CTNNA2: variants seen among roughly 807,000 people sequenced by gnomAD.
CTNNA2 encodes catenin alpha 2.
Under a neutral mutation model 101.0 loss-of-function variants are expected in CTNNA2, and 42 were observed. That is an observed-to-expected ratio of 0.42 (90% CI 0.32 to 0.54). The LOEUF (loss-of-function observed/expected upper bound fraction) is 0.54. Ranked by LOEUF, CTNNA2 falls within the 20% of genes least tolerant of loss-of-function variation. CTNNA2 has a pLI of 0.14. For synonymous variants in CTNNA2, 450 were observed against 456.4 expected, an observed-to-expected ratio of 0.99 and a Z score of 0.18; for missense variants, 871 against 1,223.1, an observed-to-expected ratio of 0.71 and a Z score of 4.29.
chr2:80,162,517 G>T, intron 7 of CTNNA2: 3 of 1,602,754 alleles, frequency 1.9e-6, no homozygotes, highest in Non-Finnish European at 2.6e-6. Context: ...CATGGCTCCA[G>T]CCATCATGAT....
chr2:79,643,226 T>C (rs1288569044), intron 1 of CTNNA2, among the ~76,000 whole-genome samples: 2 of 152,010 alleles, frequency 1.3e-5, no homozygotes, highest in African/African-American at 4.8e-5. Flanking sequence ...ACCACTATCA[T>C]AGTTCAGATA....
intron 3 of CTNNA2, among the ~76,000 whole-genome samples, chr2:79,836,668 T>C (rs889390516): frequency 6.6e-6 from 1 of 152,224 alleles, no homozygotes; most frequent in African/African-American, 2.4e-5. Context: ...TTGCTGTTCA[T>C]CTTTGGTGTG....
At chr2:80,410,490 G>A (rs1679470787) in intron 8 of CTNNA2, among the ~76,000 whole-genome samples, 1 of 152,116 alleles carries the variant, frequency 6.6e-6, no homozygotes, top group Admixed American at 6.5e-5. Flanking sequence ...TTAAACCATT[G>A]GAAAAACGTC....
intron 2 of CTNNA2, among the ~76,000 whole-genome samples, chr2:79,213,786 T>C (rs980641289): frequency 2.0e-5 from 3 of 152,048 alleles, no homozygotes; most frequent in Non-Finnish European, 4.4e-5. Context: ...TGAGTATAGC[T>C]GAAGGAGCCA....
At chr2:79,418,399 T>C (rs1330681305) in intron 4 of CTNNA2, among the ~76,000 whole-genome samples, 1 of 152,140 alleles carries the variant, frequency 6.6e-6, no homozygotes, top group African/African-American at 2.4e-5. Context: ...GTAAACTAAA[T>C]GTCTCCCAAA....
upstream of CTNNA2, chr2:79,512,957 C>T (rs1392097541): frequency 6.6e-6 from 1 of 151,792 alleles, no homozygotes. Context: ...GGGCCGCTGC[C>T]GCTCGCGCTT....
chr2:79,524,333 G>A (rs1476610497), intron 1 of CTNNA2, among the ~76,000 whole-genome samples: 2 of 151,768 alleles, frequency 1.3e-5, no homozygotes, highest in Non-Finnish European at 2.9e-5. Flanking sequence ...TTACCGTTGG[G>A]AAAGGGATTT....
intron 7 of CTNNA2, among the ~76,000 whole-genome samples, chr2:80,276,149 T>G (rs993394010): frequency 1.4e-4 from 22 of 152,204 alleles, no homozygotes; most frequent in African/African-American, 4.3e-4. Context: ...AGTGATTGAT[T>G]ATTTGGTTTT....
At chr2:79,680,290 A>C (rs2104635562) in intron 2 of CTNNA2, among the ~76,000 whole-genome samples, 1 of 152,176 alleles carries the variant, frequency 6.6e-6, no homozygotes, top group East Asian at 1.9e-4. Context: ...CAAACTGAAA[A>C]GGTAGGTTAC....
At chr2:80,165,478 C>A (rs905514780) in intron 7 of CTNNA2, among the ~76,000 whole-genome samples, 1 of 151,960 alleles carries the variant, frequency 6.6e-6, no homozygotes, top group Non-Finnish European at 1.5e-5. Context: ...TTTGATAAGG[C>A]CTTCTATTTA....
At chr2:79,978,943 G>A (rs796334798) in intron 7 of CTNNA2, among the ~76,000 whole-genome samples, 9 of 152,256 alleles carry the variant, frequency 5.9e-5, no homozygotes, top group African/African-American at 2.2e-4. Flanking sequence ...TCTCAAAGAG[G>A]TTAAGTCATT....
chr2:80,046,220 A>G (rs1264040275), intron 7 of CTNNA2, among the ~76,000 whole-genome samples: 2 of 152,186 alleles, frequency 1.3e-5, no homozygotes, highest in Non-Finnish European at 2.9e-5. Flanking sequence ...GAAGTGTGCC[A>G]TGCCTCTCCT....
chr2:79,779,583 A>G (rs1031643239), intron 3 of CTNNA2, among the ~76,000 whole-genome samples: 10 of 152,262 alleles, frequency 6.6e-5, no homozygotes, highest in African/African-American at 2.4e-4. Flanking sequence ...AGATTTTGTG[A>G]AACATGGTCT....
Position 79,288,719 on chromosome 2 carries a change from C to G in CTNNA2, c.-405-23990C>G, listed in dbSNP as rs150775453. Among the ~76,000 whole-genome samples the G allele has an allele frequency of 2.0e-3, 305 of 152,258 alleles. 2 individuals carry two copies. The highest frequency in any genetic ancestry group is 6.7e-3 in the African/African-American group (278 of 41,532). On this transcript the variant is annotated intron_variant, in intron 2 of 21. Transcript: ENST00000466387. ...GGGAGAGAAATTAGAGGTTGCCAGT[C>G]TCTTACACCTGGGCCCAGAAGTTGG...
intron 1 of CTNNA2, among the ~76,000 whole-genome samples, chr2:79,646,479 A>G (rs1017780718): frequency 1.4e-5 from 2 of 144,432 alleles, no homozygotes; most frequent in Non-Finnish European, 3.0e-5. Context: ...GGTGGGCTGT[A>G]TTATTACCTT....
At chr2:79,962,867 C>G (rs932080603) in intron 7 of CTNNA2, among the ~76,000 whole-genome samples, 1 of 151,954 alleles carries the variant, frequency 6.6e-6, no homozygotes, top group Non-Finnish European at 1.5e-5. Flanking sequence ...GTCAGGAGAT[C>G]GAGACCATCC....
intron 4 of CTNNA2, among the ~76,000 whole-genome samples, chr2:79,463,566 G>A (rs1047213438): frequency 6.6e-6 from 1 of 152,034 alleles, no homozygotes; most frequent in African/African-American, 2.4e-5. Flanking sequence ...TTCTTTCTTT[G>A]GATATAATCT....
intron 3 of CTNNA2, among the ~76,000 whole-genome samples, chr2:79,822,665 G>A (rs1678101716): frequency 6.6e-6 from 1 of 151,948 alleles, no homozygotes; most frequent in African/African-American, 2.4e-5. Context: ...TTGCTCTCTT[G>A]ACCATTACAG....
intron 1 of CTNNA2, among the ~76,000 whole-genome samples, chr2:79,193,342 T>G (rs1020819266): frequency 2.0e-5 from 3 of 152,144 alleles, no homozygotes; most frequent in African/African-American, 4.8e-5. Context: ...AATACTGTAT[T>G]TTTACTGTAC....
Sources: allele counts gnomAD v4.1 joint callset (sites outside exome capture counted in the v4.1 genomes callset), GRCh38; gene constraint gnomAD v4.1.1; transcripts MANE v1.5; gene names NCBI Gene and HGNC (gene_info 2026-07-23, HGNC 2026-07-21).